The following NRG3 variants were observed in gnomAD, a reference collection of about 807,000 sequenced individuals.
The protein encoded by NRG3 is neuregulin 3.
NRG3 carries 31 observed loss-of-function variants against 66.9 expected under a neutral mutation model. That is an observed-to-expected ratio of 0.46 (90% CI 0.35 to 0.63). The LOEUF (loss-of-function observed/expected upper bound fraction) is 0.63. Ranked by LOEUF, NRG3 falls within the 20% of genes least tolerant of loss-of-function variation. NRG3 has a pLI of 0.00. For synonymous variants in NRG3, 393 were observed against 359.4 expected (o/e 1.09, Z -1.06); for missense variants, 910 against 878.9 (o/e 1.04, Z -0.45).
In NRG3 at chr10:81,875,315, G is replaced by C; in HGVS notation, c.-26G>C. 1 of 984,624 alleles carries C rather than the reference G, an allele frequency of 1.0e-6. No homozygotes were observed. The highest frequency in any genetic ancestry group is 1.2e-6 in the Non-Finnish European group (1 of 830,716). 61.0% of individuals were successfully genotyped at this position (984,624 alleles called of 1,614,324 possible). A position where few individuals can be genotyped will look rare whatever the true frequency, so the allele number is the denominator to read the frequency against. On this transcript the variant is annotated 5_prime_UTR_variant, in exon 1 of 9. Transcript: ENST00000372141. The surrounding 1 kb of genome is among the most constrained non-coding windows in gnomAD (Gnocchi z 5.3). ...ATGCCTCTGCCGCGGCCCTCGGGGG[G>C]GCGAAGGTGAAGACCGGCTCCTAGG...
intron 2 of NRG3, among the ~76,000 whole-genome samples, chr10:82,677,359 A>T (rs1237878383): frequency 6.6e-6 from 1 of 151,976 alleles, no homozygotes; most frequent in Non-Finnish European, 1.5e-5. Context: ...GTTTCATTTG[A>T]GTTTACATGG....
intron 1 of NRG3, among the ~76,000 whole-genome samples, chr10:82,037,362 C>T (rs2062834111): frequency 6.6e-6 from 1 of 152,132 alleles, no homozygotes; most frequent in South Asian, 2.1e-4. Flanking sequence ...AGTTTGAAGT[C>T]TGGTCTCCAT....
rs149625014 is a variant in NRG3, at chr10:81,967,257, T to C, written c.823+91094T>C. ...AAGTAGTTTGTGATTTCCCTGATAATATTTATTTAATCCAAGTTTTTAACA... is the reference window on the plus strand; with the variant it reads ...AAGTAGTTTGTGATTTCCCTGATAACATTTATTTAATCCAAGTTTTTAACA... On this transcript the variant is annotated intron_variant, in intron 1 of 8. Transcript: ENST00000372141. Among the ~76,000 whole-genome samples the C allele has an allele frequency of 4.7e-3, 718 of 151,992 alleles. 8 individuals carry two copies. The highest frequency in any genetic ancestry group is 0.017 in the African/African-American group (696 of 41,550).
intron 3 of NRG3, chr10:82,827,102 A>G (rs1426451356): frequency 3.0e-6 from 1 of 330,532 alleles, no homozygotes; most frequent in Non-Finnish European, 5.9e-6. Flanking sequence ...CTTGAAAAAT[A>G]ACTCTTGATA....
intron 3 of NRG3, among the ~76,000 whole-genome samples, chr10:82,824,354 ATG>A (rs1172711541): frequency 6.6e-6 from 1 of 152,126 alleles, no homozygotes; most frequent in Non-Finnish European, 1.5e-5. Context: ...TTGAGTAGAC[ATG>A]TGTTTTTAAT....
At position 82,434,596 on chromosome 10, in the gene NRG3, C is replaced by T. The variant is rs149262072; in HGVS notation, c.953+75728C>T. Among the ~76,000 whole-genome samples, 690 of 152,122 alleles carry T rather than the reference C, an allele frequency of 4.5e-3. 4 individuals are homozygous for T. The highest frequency in any genetic ancestry group is 0.016 in the African/African-American group (666 of 41,510). ...TTGGCTGTGGGCTTGTCATAAATAG[C>T]TTTTATTATTTTGAGATATGTTCCA... On this transcript the variant is annotated intron_variant, in intron 2 of 8. Transcript: ENST00000372141.
intron 2 of NRG3, among the ~76,000 whole-genome samples, chr10:82,406,261 G>C (rs534749691): frequency 6.6e-6 from 1 of 152,130 alleles, no homozygotes; most frequent in Non-Finnish European, 1.5e-5. Flanking sequence ...TCCATTGTTC[G>C]TGGGACATAA....
chr10:82,011,559 T>C (rs1374636573), intron 1 of NRG3, among the ~76,000 whole-genome samples: 3 of 152,196 alleles, frequency 2.0e-5, no homozygotes, highest in Non-Finnish European at 4.4e-5. Context: ...AAGTCTCATT[T>C]GAGACAAGGT....
At chr10:82,330,579 T>A (rs948235220) in intron 1 of NRG3, among the ~76,000 whole-genome samples, 4 of 151,786 alleles carry the variant, frequency 2.6e-5, no homozygotes, top group African/African-American at 9.7e-5. Flanking sequence ...TTGAACAACA[T>A]TTTTTTTCTG....
chr10:82,445,865 GT>G (rs944252172), intron 2 of NRG3, among the ~76,000 whole-genome samples: 1 of 152,204 alleles, frequency 6.6e-6, no homozygotes, highest in Non-Finnish European at 1.5e-5. Context: ...CTTCTACTGA[GT>G]GCAGAACCAG....
At chr10:82,501,862 C>T (rs904460690) in intron 2 of NRG3, among the ~76,000 whole-genome samples, 1 of 152,108 alleles carries the variant, frequency 6.6e-6, no homozygotes, top group African/African-American at 2.4e-5. Flanking sequence ...TTTATTTGCG[C>T]ATTGTCTCTC....
intron 3 of NRG3, among the ~76,000 whole-genome samples, chr10:82,846,560 G>A (rs968780433): frequency 1.3e-5 from 2 of 152,132 alleles, no homozygotes; most frequent in African/African-American, 4.8e-5. Flanking sequence ...ATGAAGGACT[G>A]CCAAAAATTC....
At chr10:82,315,048 TATAG>T (rs894397386) in intron 1 of NRG3, among the ~76,000 whole-genome samples, 1 of 152,190 alleles carries the variant, frequency 6.6e-6, no homozygotes, top group Admixed American at 6.5e-5. Flanking sequence ...TGGTAATAAA[TATAG>T]ATACAGATTT....
intron 1 of NRG3, among the ~76,000 whole-genome samples, chr10:82,101,670 C>T (rs2066729597): frequency 6.6e-6 from 1 of 151,630 alleles, no homozygotes; most frequent in Admixed American, 6.6e-5. Flanking sequence ...TACAGTTCAA[C>T]TCTGTTATGC....
intron 4 of NRG3, among the ~76,000 whole-genome samples, chr10:82,875,411 G>A (rs1841722195): frequency 6.6e-6 from 1 of 152,168 alleles, no homozygotes; most frequent in Non-Finnish European, 1.5e-5. Context: ...AGGCTGGAGT[G>A]CAGTGGTGTA....
At chr10:82,180,930 G>A (rs1195392259) in intron 1 of NRG3, among the ~76,000 whole-genome samples, 1 of 151,686 alleles carries the variant, frequency 6.6e-6, no homozygotes. Flanking sequence ...TATGTTTGGT[G>A]TTTTAACTGA....
chr10:81,980,048 G>A (rs531032044), intron 1 of NRG3, among the ~76,000 whole-genome samples: 2 of 152,278 alleles, frequency 1.3e-5, no homozygotes, highest in South Asian at 4.1e-4. Context: ...GCCTTTCATG[G>A]TGTTTCACAA....
At chr10:82,161,483 G>A (rs1203616679) in intron 1 of NRG3, among the ~76,000 whole-genome samples, 1 of 152,048 alleles carries the variant, frequency 6.6e-6, no homozygotes, top group Admixed American at 6.6e-5. Flanking sequence ...TAGTAGGCCA[G>A]CACTTTGCAT....
intron 1 of NRG3, among the ~76,000 whole-genome samples, chr10:82,160,422 T>A (rs1026988750): frequency 6.6e-6 from 1 of 151,998 alleles, no homozygotes; most frequent in African/African-American, 2.4e-5. Context: ...ACTGAATGCT[T>A]TGTCATGGCT....
Sources: gnomAD v4.1 joint callset for allele counts (sites outside exome capture counted in the v4.1 genomes callset) on GRCh38, gnomAD v4.1.1 for gene constraint, Gnocchi (gnomAD v3.1) non-coding constraint, MANE v1.5 for transcripts, NCBI Gene and HGNC (gene_info 2026-07-23, HGNC 2026-07-21) for gene names.